The following CILK1 variants were observed in gnomAD, a reference collection of about 807,000 sequenced individuals.
The protein encoded by CILK1 is serine/threonine-protein kinase ICK.
CILK1 carries 47 observed loss-of-function variants against 79.2 expected under a neutral mutation model. That is an observed-to-expected ratio of 0.59 (90% CI 0.47 to 0.76). The LOEUF is 0.76. Among genes scored for constraint, CILK1 ranks in the 30% least tolerant of loss-of-function variants. The pLI is 0.00. For missense variants in CILK1, 660 were observed against 769.5 expected (o/e 0.86, Z 1.68); for synonymous variants, 266 against 275.9 (o/e 0.96, Z 0.36).
chr6:53,021,108 G>C (rs1161475564), intron 5 of CILK1, among the ~76,000 whole-genome samples: 2 of 152,182 alleles, frequency 1.3e-5, no homozygotes, highest in African/African-American at 2.4e-5. Context: ...ATCACTTGAA[G>C]GTCAGGAGTT....
In CILK1 at chr6:53,041,425, G is replaced by T; in HGVS notation, c.-172-17C>A. 1.7e-6 allele frequency: 1 copy of T among 589,990 alleles called. No homozygotes were observed. Among genetic ancestry groups the T allele is most frequent in the South Asian group, 1.9e-5 (1 of 53,738 alleles). 36.5% of individuals were successfully genotyped at this position (589,990 alleles called of 1,614,324 possible). ...GTCTTCTGCCTGCAGAGAAAAATGA[G>T]AGACAAGGATAAATGTTAATATACA... On this transcript the variant is annotated splice_polypyrimidine_tract_variant and intron_variant, in intron 1 of 13. Transcript: ENST00000676107.
chr6:53,011,685 TA>T, intron 11 of CILK1, 83 bp downstream of exon 11: 1 of 1,365,302 alleles, frequency 7.3e-7, no homozygotes, highest in Non-Finnish European at 1.0e-6. Context: ...ATCTGCCTTC[TA>T]AAACAGAACC....
Position 53,002,237 on chromosome 6 carries a change from C to T in CILK1, c.*2912G>A, listed in dbSNP as rs1209078364. 2 of 152,184 alleles carry T rather than the reference C, an allele frequency of 1.3e-5. No homozygotes were observed. The highest frequency in any genetic ancestry group is 2.9e-5 in the Non-Finnish European group (2 of 68,034). The allele number at this position is 152,184 out of a possible 1,614,324, so 9.4% of individuals were successfully genotyped here. On this transcript the variant is annotated 3_prime_UTR_variant, in exon 14 of 14. Transcript: ENST00000676107. ...TGCAAATGCAGTTTTCCCTACTCTG[C>T]TGGCACTACCTGGGGCACATCAATA... is the stretch of plus-strand genomic sequence containing the variant.
intron 5 of CILK1, among the ~76,000 whole-genome samples, chr6:53,028,517 A>G (rs746228292): frequency 6.6e-6 from 1 of 152,136 alleles, no homozygotes; most frequent in Non-Finnish European, 1.5e-5. Context: ...TTTTTTGTAA[A>G]GACTAGATAA....
At chr6:53,042,864 T>A (rs1450524578) in intron 1 of CILK1, among the ~76,000 whole-genome samples, 1 of 152,158 alleles carries the variant, frequency 6.6e-6, no homozygotes, top group Non-Finnish European at 1.5e-5. Flanking sequence ...TAAGATCTGT[T>A]GTTAGTAGTA....
At chr6:53,055,210 G>C (rs987944191) in intron 1 of CILK1, among the ~76,000 whole-genome samples, 1 of 152,152 alleles carries the variant, frequency 6.6e-6, no homozygotes, top group Non-Finnish European at 1.5e-5. Flanking sequence ...CCTTCTCATG[G>C]TAATTCTGAG....
rs778830670 is a variant in CILK1 at position 53,001,627 on chromosome 6, G to C, written c.*3522C>G. The C allele has an allele frequency of 7.2e-5, 11 of 152,526 alleles. No individual in the cohort carries two copies. Among genetic ancestry groups the C allele is most frequent in the Non-Finnish European group, 1.2e-4 (8 of 68,038 alleles). The allele number at this position is 152,526 out of a possible 1,614,324, so 9.4% of individuals were successfully genotyped here. On this transcript the variant is annotated 3_prime_UTR_variant, in exon 14 of 14. Transcript: ENST00000676107. ...AGAAATTGATAATACAGATTAATGT[G>C]ATATTTACCTCTAGTTTGTTTTCCT...
chr6:53,038,373 C>T (rs1766492669), intron 2 of CILK1, among the ~76,000 whole-genome samples: 1 of 152,192 alleles, frequency 6.6e-6, no homozygotes, highest in Admixed American at 6.5e-5. Flanking sequence ...CCACTAGACA[C>T]ATGTGGCTAC....
At position 53,005,206 on chromosome 6, in the gene CILK1, G is replaced by A. The variant is rs750177483; in HGVS notation, c.1842C>T (p.Ala614=). The change falls in exon 14 of 14, where the codon GCC becomes GCT. Residue 614 remains alanine, a synonymous_variant. Transcript: ENST00000676107. The part of the protein sequence containing the change: ...STPGLIPRPP[A]AQPVHGRTDW... ...CTGTCCGGCCATGCACTGGCTGGGC[G>A]GCTGGAGGCCGTGGTATCAACCCAG... is the stretch of plus-strand genomic sequence containing the variant. 12 of 1,614,064 alleles carry A rather than the reference G, an allele frequency of 7.4e-6. No homozygotes were observed. The East Asian group carries it at 8.9e-5, about 12-fold the overall frequency.
rs140762105 is a variant in CILK1, at chr6:53,011,957, A to T, written c.1344-40T>A. The T allele has an allele frequency of 2.3e-4, 374 of 1,614,110 alleles. 1 individual carries two copies. The African/African-American group carries it at 4.1e-3, about 18-fold the overall frequency. ...CATGGCTTGGGTCAGCACGAGAGAC[A>T]GTATGTATTCTCGGATATGTACCCA... is the stretch of plus-strand genomic sequence containing the variant. On this transcript the variant is annotated intron_variant, in intron 10 of 13. Transcript: ENST00000676107.
intron 7 of CILK1, among the ~76,000 whole-genome samples, chr6:53,017,592 T>C (rs1333013456): frequency 2.0e-5 from 3 of 152,138 alleles, no homozygotes; most frequent in East Asian, 1.9e-4. Context: ...AGCTGTTCTT[T>C]AGGAAGCTGA....
chr6:53,028,752 C>T (rs1765737737), intron 5 of CILK1, among the ~76,000 whole-genome samples: 1 of 152,120 alleles, frequency 6.6e-6, no homozygotes, highest in Non-Finnish European at 1.5e-5. Flanking sequence ...GAGGGAAACA[C>T]AGTGCAGAGT....
chr6:53,031,061 C>T lies in CILK1; in HGVS notation c.358+4G>A. On this transcript the variant is annotated splice_donor_region_variant and intron_variant, in intron 5 of 13. Coordinates refer to ENST00000676107, the MANE Select transcript of CILK1 (RefSeq NM_014920.5). The stretch of plus-strand genomic sequence containing the variant: ...TCAAAAGCACAACACTCCGAATCAC[C>T]TACCGTGTTTGTGAATAAATGCGAG... 6.4e-7 allele frequency: 1 copy of T among 1,570,972 alleles called. No individual in the cohort carries two copies. The highest frequency in any genetic ancestry group is 8.8e-7 in the Non-Finnish European group (1 of 1,140,884).
At chr6:53,035,955 C>A (rs188696219) in intron 3 of CILK1, among the ~76,000 whole-genome samples, 2 of 148,124 alleles carry the variant, frequency 1.4e-5, no homozygotes, top group African/African-American at 2.5e-5. Context: ...GCCCAACAAG[C>A]GCGTGGGTGT....
chr6:53,035,394 A>G (rs1394426393), intron 3 of CILK1, among the ~76,000 whole-genome samples: 1 of 152,156 alleles, frequency 6.6e-6, no homozygotes, highest in African/African-American at 2.4e-5. Context: ...AAAAATTAAG[A>G]TGGTTAAAAA....
chr6:53,041,341 C>A lies in CILK1; in HGVS notation c.-105G>T, dbSNP rs998671001. ...GTAACCAGATTTTTCGATGGCAGCA[C>A]CAGCACAAGGTATTCAATAGGACGT... On this transcript the variant is annotated 5_prime_UTR_variant, in exon 2 of 14. Transcript: ENST00000676107. The A allele has an allele frequency of 1.3e-5, 10 of 777,468 alleles. No homozygotes were observed. The highest frequency in any genetic ancestry group is 1.2e-4 in the African/African-American group (7 of 59,264). The allele number at this position is 777,468 out of a possible 1,614,324, so 48.2% of individuals were successfully genotyped here. A position where few individuals can be genotyped will look rare whatever the true frequency, so the allele number is the denominator to read the frequency against.
rs752920549 is a variant in CILK1, at chr6:53,013,966, T to C, written c.848A>G (p.Tyr283Cys). 18 of 1,613,742 alleles carry C rather than the reference T, an allele frequency of 1.1e-5. No homozygotes were observed. In the South Asian group the frequency reaches 1.8e-4, roughly 16 times the overall value. The change falls in exon 9 of 14, where the codon TAC becomes TGC. Residue 283 changes from tyrosine to cysteine, a missense_variant. Physicochemically the swap from Tyr to Cys is radical, Grantham distance 194. Coordinates refer to ENST00000676107, the MANE Select transcript of CILK1 (RefSeq NM_014920.5). ...GCCTAGTGGGTGTCCAACTTGGAAGTAAGGATATCGAAGTGCCTGGAATGA... is the reference window on the plus strand; with the variant it reads ...GCCTAGTGGGTGTCCAACTTGGAAGCAAGGATATCGAAGTGCCTGGAATGA... ...PTASQALRYP[Y>C]FQVGHPLGST... is the part of the protein sequence containing the mutation.
At position 53,018,462 on chromosome 6, in the gene CILK1, G is replaced by A; in HGVS notation, c.531C>T (p.Tyr177=). ...APEVLLRSTN[Y]SSPIDVWAVG... is the part of the protein sequence containing the mutation. ...CCGCCCAGACGTCAATGGGGGAGCT[G>A]TAGTTGGTAGACCTCAGGAGTACTT... The change falls in exon 7 of 14, where the codon TAC becomes TAT. Residue 177 remains tyrosine, a synonymous_variant. Coordinates refer to ENST00000676107, the MANE Select transcript of CILK1 (RefSeq NM_014920.5). The A allele has an allele frequency of 6.2e-7, 1 of 1,614,234 alleles. No homozygotes were observed. The highest frequency in any genetic ancestry group is 8.5e-7 in the Non-Finnish European group (1 of 1,180,028).
intron 12 of CILK1, among the ~76,000 whole-genome samples, chr6:53,007,003 G>A (rs963246911): frequency 6.6e-6 from 1 of 152,210 alleles, no homozygotes; most frequent in Non-Finnish European, 1.5e-5. Context: ...ACTTGGGAGT[G>A]CTTTAAGGGC....
Sources: gnomAD v4.1 joint callset for allele counts (sites outside exome capture counted in the v4.1 genomes callset) on GRCh38, gnomAD v4.1.1 for gene constraint, MANE v1.5 for transcripts, NCBI Gene and HGNC (gene_info 2026-07-23, HGNC 2026-07-21) for gene names.